The following THRB variants were observed in gnomAD, a reference collection of about 807,000 sequenced individuals.
The protein encoded by THRB is thyroid hormone receptor beta, also known as nuclear receptor subfamily 1 group A member 2.
Under a neutral mutation model 47.8 loss-of-function variants are expected in THRB, and 12 were observed. That is an observed-to-expected ratio of 0.25 (90% CI 0.16 to 0.41). THRB has a LOEUF of 0.41. Ranked by LOEUF, THRB falls within the 10% of genes least tolerant of loss-of-function variation. THRB has a pLI of 1.00. For missense variants in THRB, 348 were observed against 589.2 expected (o/e 0.59, Z 4.24); for synonymous variants, 218 against 212.2 (o/e 1.03, Z -0.24).
Position 24,431,559 on chromosome 3 carries a change from C to T in THRB, c.-261+63093G>A, listed in dbSNP as rs766077783. On this transcript the variant is annotated intron_variant, in intron 1 of 10. Transcript: ENST00000646209. ...TTCTTGGAGGGAGTGTTGACCAGTT[C>T]AACCATTTTGAAAAATACATTTGAG... 2.4e-4 allele frequency among the ~76,000 whole-genome samples: 37 copies of T among 152,192 alleles called. No homozygotes were observed. In the Middle Eastern group the frequency reaches 0.017, roughly 70 times the overall value.
At chr3:24,137,379 G>A (rs2034813040) in intron 8 of THRB, among the ~76,000 whole-genome samples, 1 of 152,188 alleles carries the variant, frequency 6.6e-6, no homozygotes, top group African/African-American at 2.4e-5. Flanking sequence ...AGGGGAGATA[G>A]ACAATAAATA....
chr3:24,218,246 C>A (rs922253996), intron 4 of THRB, among the ~76,000 whole-genome samples: 4 of 149,362 alleles, frequency 2.7e-5, no homozygotes, highest in African/African-American at 7.5e-5. Context: ...CCAGCCTGGG[C>A]GACAGAGTAA....
intron 4 of THRB, among the ~76,000 whole-genome samples, chr3:24,200,435 C>T (rs766910293): frequency 3.9e-5 from 6 of 152,124 alleles, no homozygotes; most frequent in African/African-American, 1.2e-4. Flanking sequence ...AAATAAAAGA[C>T]AAAATATGAC....
chr3:24,237,562 T>A (rs1196818276), intron 3 of THRB, among the ~76,000 whole-genome samples: 1 of 152,080 alleles, frequency 6.6e-6, no homozygotes, highest in Non-Finnish European at 1.5e-5. Flanking sequence ...CCTCTCCTTT[T>A]CCACCTCTCT....
At chr3:24,272,075 C>T (rs983067161) in intron 3 of THRB, among the ~76,000 whole-genome samples, 3 of 152,186 alleles carry the variant, frequency 2.0e-5, no homozygotes, top group African/African-American at 7.2e-5. Flanking sequence ...GGGCATAGGG[C>T]TTATGCCTAT....
At chr3:24,460,270 A>T (rs1478786480) in intron 1 of THRB, among the ~76,000 whole-genome samples, 1 of 152,158 alleles carries the variant, frequency 6.6e-6, no homozygotes, top group East Asian at 1.9e-4. Flanking sequence ...TTCTTGTTTC[A>T]TACCATACTG....
At position 24,178,912 on chromosome 3, in the gene THRB, G is replaced by C; in HGVS notation, c.283+11162C>G. ...TAGCTTGATTTAATAATTTAAAGCT[G>C]TATAATGTGGCAAAACATAACATGT... On this transcript the variant is annotated intron_variant, in intron 5 of 10. Coordinates refer to ENST00000646209, the MANE Select transcript of THRB (RefSeq NM_001354712.2). 1.3e-5 allele frequency among the ~76,000 whole-genome samples: 2 copies of C among 152,182 alleles called. 1 individual carries two copies. Among genetic ancestry groups the C allele is most frequent in the Admixed American group, 1.3e-4 (2 of 15,278 alleles).
chr3:24,189,927 G>T, intron 5 of THRB, 147 bp downstream of exon 5: 1 of 751,820 alleles, frequency 1.3e-6, no homozygotes, highest in Non-Finnish European at 2.2e-6. Flanking sequence ...AATATTTGAA[G>T]AAAAGGACGC....
At chr3:24,396,323 G>T (rs2066959337) in intron 1 of THRB, among the ~76,000 whole-genome samples, 1 of 152,034 alleles carries the variant, frequency 6.6e-6, no homozygotes, top group Non-Finnish European at 1.5e-5. Context: ...AATCTCTGTG[G>T]GTAGAACCCA....
At chr3:24,461,964 C>A (rs1234313718) in intron 1 of THRB, among the ~76,000 whole-genome samples, 1 of 152,060 alleles carries the variant, frequency 6.6e-6, no homozygotes, top group Non-Finnish European at 1.5e-5. Flanking sequence ...GTTCATGATA[C>A]ATTTAGTGAA....
intron 1 of THRB, among the ~76,000 whole-genome samples, chr3:24,448,718 T>C (rs2072345044): frequency 1.3e-5 from 2 of 152,186 alleles, no homozygotes; most frequent in South Asian, 2.1e-4. Flanking sequence ...CAGATTCAGG[T>C]TGTTTGGCTA....
intron 4 of THRB, among the ~76,000 whole-genome samples, chr3:24,200,869 G>A (rs923264030): frequency 6.6e-6 from 1 of 152,106 alleles, no homozygotes; most frequent in Non-Finnish European, 1.5e-5. Flanking sequence ...GCGCTTTTGG[G>A]ATATTTTCAG....
chr3:24,491,301 A>G (rs1698110473), intron 1 of THRB, among the ~76,000 whole-genome samples: 1 of 152,206 alleles, frequency 6.6e-6, no homozygotes, highest in Non-Finnish European at 1.5e-5. Context: ...CACACTTATG[A>G]AAGTCAATAC....
At chr3:24,236,679 C>A (rs980406358) in intron 3 of THRB, among the ~76,000 whole-genome samples, 1 of 152,122 alleles carries the variant, frequency 6.6e-6, no homozygotes, top group Non-Finnish European at 1.5e-5. Context: ...TTTCCTCTTG[C>A]AAGGCTGAAT....
intron 4 of THRB, among the ~76,000 whole-genome samples, chr3:24,212,577 CAAAA>C (rs1199010853): frequency 5.9e-5 from 5 of 84,098 alleles, no homozygotes; most frequent in South Asian, 5.7e-4. Flanking sequence ...GACTCCGTCT[CAAAA>C]AAAAAAAAAA....
rs552526023 is a variant in THRB, at chr3:24,229,940, C to T, written c.-42-939G>A. Among the ~76,000 whole-genome samples the T allele has an allele frequency of 7.9e-5, 12 of 152,260 alleles. 1 individual carries two copies. Among genetic ancestry groups the T allele is most frequent in the African/African-American group, 2.6e-4 (11 of 41,560 alleles). On this transcript the variant is annotated intron_variant, in intron 3 of 10. Coordinates refer to ENST00000646209, the MANE Select transcript of THRB (RefSeq NM_001354712.2). ...AAGTAATTTCAAAGCACTGGAAACA[C>T]GATTTCTTCAGTGTAAGATGAGGAA...
At chr3:24,223,151 G>A (rs1211515663) in intron 4 of THRB, among the ~76,000 whole-genome samples, 1 of 152,188 alleles carries the variant, frequency 6.6e-6, no homozygotes, top group Non-Finnish European at 1.5e-5. Context: ...CTGAGTTTGG[G>A]AGAAGGGACA....
chr3:24,393,519 C>T (rs2066735173), intron 1 of THRB, among the ~76,000 whole-genome samples: 1 of 152,118 alleles, frequency 6.6e-6, no homozygotes, highest in African/African-American at 2.4e-5. Context: ...GAGGTCAGGG[C>T]ACAGACCAAG....
intron 3 of THRB, among the ~76,000 whole-genome samples, chr3:24,294,783 T>C (rs2056303488): frequency 6.6e-6 from 1 of 152,224 alleles, no homozygotes; most frequent in South Asian, 2.1e-4. Context: ...TAAGTCATTT[T>C]GGGTCTAGAA....
Sources: allele counts gnomAD v4.1 joint callset (sites outside exome capture counted in the v4.1 genomes callset), GRCh38; gene constraint gnomAD v4.1.1; transcripts MANE v1.5; gene names NCBI Gene and HGNC (gene_info 2026-07-23, HGNC 2026-07-21).